MDGA2: variants seen among roughly 807,000 people sequenced by gnomAD.
MDGA2 encodes the protein MAM domain-containing glycosylphosphatidylinositol anchor protein 2.
MDGA2 carries 40 observed loss-of-function variants against 117.8 expected under a neutral mutation model. The ratio of observed to expected loss-of-function variants is 0.34; its 90% confidence interval spans 0.26 to 0.44. The LOEUF is 0.44. Among genes scored for constraint, MDGA2 ranks in the 20% least tolerant of loss-of-function variants. The pLI, the probability that MDGA2 is intolerant of heterozygous loss-of-function variation, is 1.00. For missense variants in MDGA2, 1,123 were observed against 1,250.6 expected (o/e 0.90, Z 1.54); for synonymous variants, 452 against 439.0 (o/e 1.03, Z -0.37).
rs143248470 is a variant in MDGA2, at chr14:46,846,136, TA to T, written c.2884-266del. The stretch of plus-strand genomic sequence containing the variant: ...ACTAAACTTAATTAAATAATACAAT[TA>T]AAAAAAATGACTACACATCCTCTTT... On this transcript the variant is annotated intron_variant, in intron 15 of 16. Transcript: ENST00000399232. Among the ~76,000 whole-genome samples the T allele has an allele frequency of 4.0e-3, 608 of 151,896 alleles. 3 individuals are homozygous for T. Among genetic ancestry groups the T allele is most frequent in the Middle Eastern group, 6.8e-3 (2 of 294 alleles).
intron 1 of MDGA2, among the ~76,000 whole-genome samples, chr14:47,508,093 C>T (rs1233371182): frequency 1.3e-5 from 2 of 152,128 alleles, no homozygotes; most frequent in East Asian, 3.9e-4. Flanking sequence ...TAATCATTTC[C>T]ATTCTCTATG....
At chr14:47,051,730 T>C (rs1221088757) in intron 7 of MDGA2, among the ~76,000 whole-genome samples, 8 of 151,932 alleles carry the variant, frequency 5.3e-5, no homozygotes, top group African/African-American at 1.2e-4. Context: ...TCTAGAGTTC[T>C]AGAGCTTTCA....
At chr14:47,419,949 G>A (rs910537844) in intron 1 of MDGA2, among the ~76,000 whole-genome samples, 2 of 152,038 alleles carry the variant, frequency 1.3e-5, no homozygotes, top group African/African-American at 4.8e-5. Flanking sequence ...AAAATTAAAA[G>A]GTAACAAGAT....
chr14:47,432,785 T>C (rs577509409), intron 1 of MDGA2, among the ~76,000 whole-genome samples: 2 of 152,262 alleles, frequency 1.3e-5, no homozygotes, highest in South Asian at 4.1e-4. Context: ...AAGGATGACA[T>C]TTTGGAAACT....
chr14:47,182,932 T>C (rs1353942581), intron 3 of MDGA2, among the ~76,000 whole-genome samples: 1 of 152,104 alleles, frequency 6.6e-6, no homozygotes, highest in Non-Finnish European at 1.5e-5. Flanking sequence ...AGAAACTCAA[T>C]TCAATTTAAT....
At chr14:46,888,853 T>C (rs1259977958) in intron 10 of MDGA2, among the ~76,000 whole-genome samples, 2 of 151,946 alleles carry the variant, frequency 1.3e-5, no homozygotes, top group Non-Finnish European at 2.9e-5. Flanking sequence ...ATTTCATTTA[T>C]TTTTATGTAA....
At position 47,255,000 on chromosome 14, in the gene MDGA2, C is replaced by T. The variant is rs547284924; in HGVS notation, c.421-36805G>A. 6.6e-5 allele frequency among the ~76,000 whole-genome samples: 10 copies of T among 152,238 alleles called. No individual in the cohort carries two copies. In the South Asian group the frequency reaches 8.3e-4, roughly 13 times the overall value. On this transcript the variant is annotated intron_variant, in intron 2 of 16. Transcript: ENST00000399232. ...CTGACTATCAGGAAAATGGCATGAG[C>T]GAAACCTCCCCCATGATTCAATTAC...
chr14:47,281,541 A>G (rs910455354), intron 2 of MDGA2, among the ~76,000 whole-genome samples: 1 of 152,190 alleles, frequency 6.6e-6, no homozygotes, highest in Non-Finnish European at 1.5e-5. Flanking sequence ...GTAGAGGTAT[A>G]TACTGTCTGG....
chr14:46,977,068 TAC>T (rs1488644666), intron 8 of MDGA2, among the ~76,000 whole-genome samples: 1 of 151,896 alleles, frequency 6.6e-6, no homozygotes, highest in Non-Finnish European at 1.5e-5. Flanking sequence ...CTTTATTATT[TAC>T]AGTTTTGCTT....
intron 9 of MDGA2, among the ~76,000 whole-genome samples, chr14:46,954,036 C>T (rs569427923): frequency 9.9e-5 from 15 of 152,116 alleles, no homozygotes; most frequent in African/African-American, 3.1e-4. Flanking sequence ...CATAACATTT[C>T]AATGTTGAAG....
At chr14:47,048,315 A>G (rs1043917162) in intron 7 of MDGA2, among the ~76,000 whole-genome samples, 1 of 152,136 alleles carries the variant, frequency 6.6e-6, no homozygotes, top group Admixed American at 6.6e-5. Context: ...GCCATAAATT[A>G]TACATCAAAG....
At chr14:47,053,879 AC>A (rs916447330) in intron 7 of MDGA2, among the ~76,000 whole-genome samples, 3 of 151,782 alleles carry the variant, frequency 2.0e-5, no homozygotes, top group Non-Finnish European at 2.9e-5. Flanking sequence ...TGCCATTAAA[AC>A]ACTATTTGGA....
chr14:47,234,193 C>T (rs1201844110), intron 2 of MDGA2, among the ~76,000 whole-genome samples: 2 of 150,584 alleles, frequency 1.3e-5, no homozygotes, highest in East Asian at 3.9e-4. Context: ...TGCATATATG[C>T]TATAAATACT....
intron 10 of MDGA2, among the ~76,000 whole-genome samples, chr14:46,896,724 A>G (rs775423054): frequency 1.8e-4 from 28 of 152,286 alleles, no homozygotes; most frequent in Admixed American, 3.3e-4. Context: ...TACCTGAAAT[A>G]CAATATTGTA....
chr14:46,966,989 GA>G (rs146725877), intron 8 of MDGA2, among the ~76,000 whole-genome samples: 1 of 150,790 alleles, frequency 6.6e-6, no homozygotes, highest in South Asian at 2.1e-4. Flanking sequence ...TTTATTTCTT[GA>G]AAAAAAATGA....
intron 1 of MDGA2, among the ~76,000 whole-genome samples, chr14:47,404,345 C>G (rs1019084090): frequency 3.3e-5 from 5 of 151,892 alleles, no homozygotes; most frequent in Non-Finnish European, 7.4e-5. Context: ...ACCGCCATGC[C>G]CAGCTGATTT....
chr14:47,243,182 C>G (rs1023274411), intron 2 of MDGA2, among the ~76,000 whole-genome samples: 3 of 151,704 alleles, frequency 2.0e-5, no homozygotes, highest in African/African-American at 7.3e-5. Context: ...CACTCTGTAT[C>G]TAGCTGCTCT....
intron 14 of MDGA2, among the ~76,000 whole-genome samples, chr14:46,861,202 G>A (rs1881493062): frequency 6.6e-6 from 1 of 151,642 alleles, no homozygotes; most frequent in Non-Finnish European, 1.5e-5. Context: ...ATATTTTTAA[G>A]ACCTATTATA....
intron 7 of MDGA2, among the ~76,000 whole-genome samples, chr14:47,043,865 C>G (rs1389088450): frequency 6.6e-6 from 1 of 152,012 alleles, no homozygotes; most frequent in Non-Finnish European, 1.5e-5. Context: ...TCTTTAAGGT[C>G]CAATTTAAGT....
Sources: gnomAD v4.1 joint callset for allele counts (sites outside exome capture counted in the v4.1 genomes callset) on GRCh38, gnomAD v4.1.1 for gene constraint, MANE v1.5 for transcripts, NCBI Gene and HGNC (gene_info 2026-07-23, HGNC 2026-07-21) for gene names.